The following NEGR1 variants were observed in gnomAD, a reference collection of about 807,000 sequenced individuals.
NEGR1 encodes the protein neuronal growth regulator 1.
A neutral mutation model predicts 40.9 loss-of-function variants in NEGR1; 10 were observed. That is an observed-to-expected ratio of 0.24 (90% CI 0.15 to 0.42). NEGR1 has a LOEUF of 0.42. Ranked by LOEUF, NEGR1 falls within the 10% of genes least tolerant of loss-of-function variation. The pLI is 1.00. For missense variants in NEGR1, 352 were observed against 438.9 expected, an observed-to-expected ratio of 0.80 and a Z score of 1.77; for synonymous variants, 185 against 166.8, an observed-to-expected ratio of 1.11 and a Z score of -0.84.
At chr1:72,236,548 G>A (rs1401689391) in intron 1 of NEGR1, among the ~76,000 whole-genome samples, 1 of 151,922 alleles carries the variant, frequency 6.6e-6, no homozygotes, top group African/African-American at 2.4e-5. Flanking sequence ...ACAATAGTTG[G>A]TCCTCCTTTG....
chr1:72,036,175 CT>C (rs1646900331), intron 1 of NEGR1, among the ~76,000 whole-genome samples: 1 of 152,114 alleles, frequency 6.6e-6, no homozygotes. Context: ...GAGGCAATGC[CT>C]TTGGAAGAGA....
chr1:72,246,157 A>T (rs1323173499), intron 1 of NEGR1, among the ~76,000 whole-genome samples: 1 of 151,188 alleles, frequency 6.6e-6, no homozygotes, highest in Non-Finnish European at 1.5e-5. Context: ...AATAACCTAA[A>T]CTAATAATTT....
intron 1 of NEGR1, among the ~76,000 whole-genome samples, chr1:72,244,534 T>C (rs1654844297): frequency 6.6e-6 from 1 of 151,942 alleles, no homozygotes; most frequent in Admixed American, 6.6e-5. Flanking sequence ...GCATCTTTTA[T>C]TTCGTATTAC....
chr1:71,912,123 T>A (rs552237377), intron 2 of NEGR1, among the ~76,000 whole-genome samples: 1 of 152,248 alleles, frequency 6.6e-6, no homozygotes, highest in African/African-American at 2.4e-5. Context: ...TATCTTGCAA[T>A]TATGTATGTT....
intron 1 of NEGR1, among the ~76,000 whole-genome samples, chr1:72,079,415 ATAT>A (rs1293006641): frequency 1.3e-5 from 2 of 152,020 alleles, no homozygotes; most frequent in Non-Finnish European, 2.9e-5. Context: ...CCATAGGAAA[ATAT>A]TATGTTAGCT....
chr1:71,476,787 T>C (rs1049789575), intron 6 of NEGR1: 2 of 152,098 alleles, frequency 1.3e-5, no homozygotes, highest in South Asian at 4.1e-4. Flanking sequence ...ATGTAGACAA[T>C]GGAAGCTCCA....
At chr1:72,147,401 C>A (rs965314115) in intron 1 of NEGR1, among the ~76,000 whole-genome samples, 2 of 152,040 alleles carry the variant, frequency 1.3e-5, no homozygotes, top group Non-Finnish European at 2.9e-5. Context: ...TATTCACTAT[C>A]ACAAGAATAG....
chr1:71,810,078 T>C (rs1176208166), intron 2 of NEGR1, among the ~76,000 whole-genome samples: 1 of 152,094 alleles, frequency 6.6e-6, no homozygotes. Context: ...AAATAATATA[T>C]TATCATTTAT....
chr1:71,562,129 A>G lies in NEGR1; in HGVS notation c.940+30688T>C, dbSNP rs138795317. ...CCAAAAACGTTTCTAGTGACAATGT[A>G]GGTGCCAAGGGTTTAATTCAGATTG... On this transcript the variant is annotated intron_variant, in intron 6 of 6. Coordinates refer to ENST00000357731, the MANE Select transcript of NEGR1 (RefSeq NM_173808.3). Among the ~76,000 whole-genome samples, 170 of 151,870 alleles carry G rather than the reference A, an allele frequency of 1.1e-3. 1 individual carries two copies. Among genetic ancestry groups the G allele is most frequent in the African/African-American group, 4.0e-3 (164 of 41,498 alleles).
intron 2 of NEGR1, among the ~76,000 whole-genome samples, chr1:71,869,860 G>A (rs1660224978): frequency 6.7e-6 from 1 of 149,578 alleles, no homozygotes; most frequent in Non-Finnish European, 1.5e-5. Context: ...GCTTAAACAT[G>A]TTTGGATAGC....
chr1:71,657,708 C>A (rs901562750), intron 4 of NEGR1, among the ~76,000 whole-genome samples: 1 of 152,114 alleles, frequency 6.6e-6, no homozygotes, highest in African/African-American at 2.4e-5. Flanking sequence ...TTTACATATG[C>A]CAGTTTTGAT....
intron 1 of NEGR1, among the ~76,000 whole-genome samples, chr1:72,234,336 T>C (rs961030079): frequency 7.2e-5 from 11 of 152,106 alleles, no homozygotes; most frequent in South Asian, 2.1e-4. Context: ...TATGGCTATA[T>C]AGTATTCCAT....
intron 1 of NEGR1, among the ~76,000 whole-genome samples, chr1:72,235,392 A>G (rs1654514171): frequency 6.6e-6 from 1 of 152,070 alleles, no homozygotes; most frequent in Non-Finnish European, 1.5e-5. Context: ...AAATTCACTG[A>G]TAGTTTTCGA....
intron 6 of NEGR1, among the ~76,000 whole-genome samples, chr1:71,520,256 C>A (rs1647146692): frequency 6.6e-6 from 1 of 152,048 alleles, no homozygotes; most frequent in Non-Finnish European, 1.5e-5. Flanking sequence ...ACAGTGTCTG[C>A]CACAGACTAA....
chr1:72,136,072 G>A (rs1650452069), intron 1 of NEGR1, among the ~76,000 whole-genome samples: 1 of 151,848 alleles, frequency 6.6e-6, no homozygotes, highest in African/African-American at 2.4e-5. Context: ...AAAAATGTCA[G>A]GCAAACAACA....
intron 1 of NEGR1, among the ~76,000 whole-genome samples, chr1:72,088,751 AATG>A (rs1292161278): frequency 2.0e-5 from 3 of 151,750 alleles, no homozygotes; most frequent in African/African-American, 7.2e-5. Flanking sequence ...GGAAACATAC[AATG>A]ATAAGACTGT....
At chr1:72,077,806 G>A (rs1647814676) in intron 1 of NEGR1, among the ~76,000 whole-genome samples, 2 of 151,704 alleles carry the variant, frequency 1.3e-5, no homozygotes, top group Non-Finnish European at 2.9e-5. Context: ...GAGAGGCCCT[G>A]TCTCAAATAA....
intron 1 of NEGR1, among the ~76,000 whole-genome samples, chr1:72,014,638 C>T (rs768973790): frequency 4.6e-5 from 7 of 151,796 alleles, no homozygotes; most frequent in Non-Finnish European, 7.4e-5. Flanking sequence ...CATAAAATAA[C>T]AATATTATAT....
intron 6 of NEGR1, among the ~76,000 whole-genome samples, chr1:71,547,914 C>A (rs1647955090): frequency 6.6e-6 from 1 of 151,720 alleles, no homozygotes; most frequent in Non-Finnish European, 1.5e-5. Flanking sequence ...GTGTGCTTCA[C>A]CCACTGCCCA....
Sources: gnomAD v4.1 joint callset for allele counts (sites outside exome capture counted in the v4.1 genomes callset) on GRCh38, gnomAD v4.1.1 for gene constraint, MANE v1.5 for transcripts, NCBI Gene and HGNC (gene_info 2026-07-23, HGNC 2026-07-21) for gene names.